GRIP1: variants seen among roughly 807,000 people sequenced by gnomAD.
GRIP1 encodes glutamate receptor-interacting protein 1.
Under a neutral mutation model 129.9 loss-of-function variants are expected in GRIP1, and 45 were observed. The observed-to-expected ratio is 0.35, with a 90% confidence interval of 0.27 to 0.44. The LOEUF is 0.44. GRIP1 is among the 20% of genes least tolerant of loss of function. GRIP1 has a pLI of 1.00. For synonymous variants in GRIP1, 530 were observed against 520.8 expected (o/e 1.02, Z -0.24); for missense variants, 1,196 against 1,396.8 (o/e 0.86, Z 2.29).
At chr12:66,363,308 G>A (rs1251206504) in intron 23 of GRIP1, among the ~76,000 whole-genome samples, 2 of 146,902 alleles carry the variant, frequency 1.4e-5, no homozygotes, top group Non-Finnish European at 3.0e-5. Context: ...CAGTGGTGAG[G>A]TTGTGGCTCA....
At chr12:66,363,896 T>C (rs527761031) in intron 23 of GRIP1, among the ~76,000 whole-genome samples, 2 of 152,248 alleles carry the variant, frequency 1.3e-5, no homozygotes, top group South Asian at 4.1e-4. Flanking sequence ...GTTCCGGTGA[T>C]CCACTAAACT....
intron 1 of GRIP1, among the ~76,000 whole-genome samples, chr12:66,695,079 C>A (rs576165120): frequency 1.3e-5 from 2 of 152,054 alleles, no homozygotes; most frequent in East Asian, 1.9e-4. Context: ...TGTCTCTAAC[C>A]AAGTCATAAA....
intron 1 of GRIP1, among the ~76,000 whole-genome samples, chr12:66,765,954 G>T (rs1028757500): frequency 3.9e-5 from 6 of 152,124 alleles, no homozygotes; most frequent in African/African-American, 1.4e-4. Context: ...GGGCACAGCT[G>T]ATCTTCAGAA....
At chr12:66,811,319 T>C (rs1213519810) in intron 1 of GRIP1, among the ~76,000 whole-genome samples, 2 of 152,196 alleles carry the variant, frequency 1.3e-5, no homozygotes, top group East Asian at 1.9e-4. Context: ...ATTATAAGGA[T>C]TTCAAAAATG....
intron 7 of GRIP1, among the ~76,000 whole-genome samples, chr12:66,486,062 C>T (rs7487758): frequency 0.63 from 95,781 of 151,758 alleles, 30,674 homozygotes; most frequent in Middle Eastern, 0.77. Flanking sequence ...CTCTCCAGTT[C>T]TTTATTGTTC....
chr12:67,034,856 T>C (rs1229411666), intron 1 of GRIP1, among the ~76,000 whole-genome samples: 2 of 152,212 alleles, frequency 1.3e-5, no homozygotes, highest in Admixed American at 1.3e-4. Context: ...AAAACCTCAT[T>C]ATGCAGCACA....
At chr12:66,930,746 A>G (rs1265917710) in intron 1 of GRIP1, among the ~76,000 whole-genome samples, 1 of 152,150 alleles carries the variant, frequency 6.6e-6, no homozygotes, top group Non-Finnish European at 1.5e-5. Flanking sequence ...TTATTTTATG[A>G]GCCCCAAATT....
chr12:66,579,729 C>T (rs1025471505), intron 2 of GRIP1, among the ~76,000 whole-genome samples: 3 of 152,026 alleles, frequency 2.0e-5, no homozygotes, highest in Admixed American at 2.0e-4. Flanking sequence ...AAGAAACAAA[C>T]AAAGCCTCCA....
At chr12:66,631,537 T>C (rs1025053321) in intron 1 of GRIP1, among the ~76,000 whole-genome samples, 2 of 152,214 alleles carry the variant, frequency 1.3e-5, no homozygotes, top group Admixed American at 6.5e-5. Context: ...TAAAGTCATA[T>C]AGAGTGTACC....
intron 16 of GRIP1, among the ~76,000 whole-genome samples, chr12:66,398,138 T>A (rs1240946930): frequency 6.6e-6 from 1 of 152,142 alleles, no homozygotes; most frequent in East Asian, 1.9e-4. Context: ...CCTAAACAGT[T>A]TTCCTGCTTG....
At chr12:66,692,654 C>T (rs1409332726) in intron 1 of GRIP1, among the ~76,000 whole-genome samples, 5 of 152,170 alleles carry the variant, frequency 3.3e-5, no homozygotes, top group South Asian at 4.1e-4. Flanking sequence ...AGAAGTGCCA[C>T]ATTGTCATGG....
chr12:66,921,463 T>G (rs1219298457), intron 1 of GRIP1, among the ~76,000 whole-genome samples: 1 of 152,200 alleles, frequency 6.6e-6, no homozygotes, highest in Non-Finnish European at 1.5e-5. Flanking sequence ...TGTTCTTTAC[T>G]TCTATTAAAA....
intron 1 of GRIP1, among the ~76,000 whole-genome samples, chr12:66,748,919 T>C (rs746581146): frequency 6.6e-5 from 10 of 152,316 alleles, no homozygotes; most frequent in Non-Finnish European, 1.3e-4. Context: ...ACCATTCTTA[T>C]ATACTTTACA....
chr12:66,405,954 A>G (rs370816271), intron 16 of GRIP1, among the ~76,000 whole-genome samples: 3 of 152,362 alleles, frequency 2.0e-5, no homozygotes, highest in African/African-American at 7.2e-5. Flanking sequence ...TCACTTGGTT[A>G]TAGTTATGCC....
intron 1 of GRIP1, among the ~76,000 whole-genome samples, chr12:67,018,698 G>A (rs2042822935): frequency 6.6e-6 from 1 of 152,066 alleles, no homozygotes; most frequent in South Asian, 2.1e-4. Flanking sequence ...CTGGTGGGGA[G>A]CCCCCAGGAA....
At chr12:66,416,942 GAC>G (rs138385858) in intron 15 of GRIP1, among the ~76,000 whole-genome samples, 2 of 149,326 alleles carry the variant, frequency 1.3e-5, no homozygotes, top group African/African-American at 2.5e-5. Context: ...ACCAGACAAA[GAC>G]ACACACACAC....
chr12:66,660,534 A>G (rs1403463795), intron 1 of GRIP1, among the ~76,000 whole-genome samples: 3 of 152,182 alleles, frequency 2.0e-5, no homozygotes, highest in Non-Finnish European at 4.4e-5. Context: ...TTTGTATTGT[A>G]TAATTACAAC....
chr12:66,496,157 A>C (rs1823369484), intron 7 of GRIP1, among the ~76,000 whole-genome samples: 1 of 152,144 alleles, frequency 6.6e-6, no homozygotes, highest in African/African-American at 2.4e-5. Context: ...CTGGAAATGT[A>C]GTCTCGATAC....
At chr12:66,471,783 T>C (rs1224767996) in intron 7 of GRIP1, among the ~76,000 whole-genome samples, 1 of 152,102 alleles carries the variant, frequency 6.6e-6, no homozygotes, top group African/African-American at 2.4e-5. Flanking sequence ...GATGCAGAGG[T>C]AGTTTCCAAC....
Sources: allele counts gnomAD v4.1 joint callset (sites outside exome capture counted in the v4.1 genomes callset), GRCh38; gene constraint gnomAD v4.1.1; transcripts MANE v1.5; gene names NCBI Gene and HGNC (gene_info 2026-07-23, HGNC 2026-07-21).